The following ANO3 variants were observed in gnomAD, a reference collection of about 807,000 sequenced individuals.
ANO3 encodes the protein anoctamin-3.
A neutral mutation model predicts 144.8 loss-of-function variants in ANO3; 99 were observed. The ratio of observed to expected loss-of-function variants is 0.68; its 90% CI spans 0.58 to 0.81. The LOEUF is 0.81. Ranked by LOEUF, ANO3 falls within the 30% of genes least tolerant of loss-of-function variation. The pLI, the probability that ANO3 is intolerant of heterozygous loss-of-function variation, is 0.00. For missense variants in ANO3, 905 were observed against 1,202.2 expected, an observed-to-expected ratio of 0.75 and a Z score of 3.66; for synonymous variants, 414 against 392.6, an observed-to-expected ratio of 1.05 and a Z score of -0.64.
chr11:26,331,475 G>A (rs913246692), upstream of ANO3: 1 of 152,122 alleles, frequency 6.6e-6, no homozygotes, highest in Non-Finnish European at 1.5e-5. Context: ...TTGTTGCTCT[G>A]ATCTTAAGTT....
intron 18 of ANO3, among the ~76,000 whole-genome samples, chr11:26,628,211 C>T (rs936180762): frequency 1.3e-5 from 2 of 152,028 alleles, no homozygotes; most frequent in Non-Finnish European, 2.9e-5. Flanking sequence ...TTAGAAGGAA[C>T]AAATTAAGCC....
chr11:26,343,259 T>C (rs986881286), intron 1 of ANO3, among the ~76,000 whole-genome samples: 5 of 152,232 alleles, frequency 3.3e-5, no homozygotes, highest in African/African-American at 1.2e-4. Context: ...ATCTCATGTA[T>C]ATATTTATAC....
chr11:26,660,225 T>C lies in ANO3; in HGVS notation c.2764-37T>C. On this transcript the variant is annotated intron_variant, in intron 26 of 26. Transcript: ENST00000256737. ...CTGTTTTATAATTAGCATTTCAGAA[T>C]CTTTGAAAACTGTCCTTTTCACATT... The C allele has an allele frequency of 3.8e-6, 6 of 1,586,218 alleles. No individual in the cohort carries two copies. The East Asian group carries it at 1.3e-4, about 35-fold the overall frequency.
chr11:26,272,990 T>A (rs1853475887), intron 1 of ANO3, among the ~76,000 whole-genome samples: 1 of 152,126 alleles, frequency 6.6e-6, no homozygotes, highest in Non-Finnish European at 1.5e-5. Flanking sequence ...CTTGGAAGCA[T>A]GTTCATATTT....
chr11:26,587,891 G>GC (rs1416684453), intron 14 of ANO3, among the ~76,000 whole-genome samples: 1 of 148,742 alleles, frequency 6.7e-6, no homozygotes, highest in Admixed American at 6.8e-5. Context: ...AAGAGGCAGA[G>GC]GTTGCAGTGA....
chr11:26,315,191 C>G (rs1474176897), intron 1 of ANO3, among the ~76,000 whole-genome samples: 1 of 152,134 alleles, frequency 6.6e-6, no homozygotes, highest in East Asian at 1.9e-4. Context: ...CCAAAAATAT[C>G]TGTGTATTAC....
intron 4 of ANO3, among the ~76,000 whole-genome samples, chr11:26,494,698 C>G (rs902641234): frequency 6.6e-6 from 1 of 152,114 alleles, no homozygotes; most frequent in Non-Finnish European, 1.5e-5. Flanking sequence ...CCAAGGGGAG[C>G]TTTGTTTGCA....
intron 6 of ANO3, among the ~76,000 whole-genome samples, chr11:26,522,225 C>A (rs1311120090): frequency 1.3e-5 from 2 of 149,658 alleles, no homozygotes; most frequent in African/African-American, 2.5e-5. Flanking sequence ...AAAAAAAAAA[C>A]ATTAAGAGCA....
intron 26 of ANO3, among the ~76,000 whole-genome samples, chr11:26,659,155 G>T (rs10835052): frequency 0.51 from 77,605 of 151,414 alleles, 20,891 homozygotes; most frequent in South Asian, 0.71. Context: ...ATGTGTATTT[G>T]TGTGTGTATG....
At position 26,441,892 on chromosome 11, in the gene ANO3, T is replaced by TA. The variant is rs769883234; in HGVS notation, c.47-22dup. On this transcript the variant is annotated intron_variant, in intron 1 of 26. Transcript: ENST00000256737. The stretch of plus-strand genomic sequence containing the variant: ...CCTCTACTGATTGATTTTTTATTGC[T>TA]AAAACTCAACATTTTGGATTTGCAG... The TA allele has an allele frequency of 5.7e-6, 9 of 1,582,000 alleles. No homozygotes were observed. In the Admixed American group the frequency reaches 7.0e-5, roughly 12 times the overall value.
At chr11:26,460,313 T>C (rs936162066) in intron 3 of ANO3, among the ~76,000 whole-genome samples, 12 of 151,710 alleles carry the variant, frequency 7.9e-5, no homozygotes, top group Admixed American at 5.9e-4. Flanking sequence ...TGCACGTTTG[T>C]TACATGGGTA....
chr11:26,560,990 C>A, intron 14 of ANO3: 2 of 1,449,158 alleles, frequency 1.4e-6, no homozygotes, highest in Non-Finnish European at 1.9e-6. Flanking sequence ...TTTGTGTAAC[C>A]TTTTGAAAGA....
intron 3 of ANO3, among the ~76,000 whole-genome samples, chr11:26,451,516 G>C (rs573354199): frequency 6.6e-6 from 1 of 152,150 alleles, no homozygotes; most frequent in Non-Finnish European, 1.5e-5. Context: ...ACTGCAAGGC[G>C]GCAGCAAGGC....
At chr11:26,449,397 G>C (rs1006986254) in intron 3 of ANO3, among the ~76,000 whole-genome samples, 4 of 151,996 alleles carry the variant, frequency 2.6e-5, no homozygotes, top group African/African-American at 9.7e-5. Context: ...CCCATAGTAG[G>C]TGCTTAAAGA....
At chr11:26,476,843 G>A (rs1212287512) in intron 4 of ANO3, among the ~76,000 whole-genome samples, 1 of 151,846 alleles carries the variant, frequency 6.6e-6, no homozygotes, top group Non-Finnish European at 1.5e-5. Flanking sequence ...TAATGACAGG[G>A]AGATGAGTCA....
intron 4 of ANO3, among the ~76,000 whole-genome samples, chr11:26,503,368 A>C (rs1424521020): frequency 6.6e-6 from 1 of 152,154 alleles, no homozygotes; most frequent in Non-Finnish European, 1.5e-5. Context: ...TCTAGATGTA[A>C]TGACACAGGT....
At chr11:26,638,563 A>G (rs6484233) in intron 20 of ANO3, among the ~76,000 whole-genome samples, 111,596 of 152,112 alleles carry the variant, frequency 0.73, 41,990 homozygotes, top group Non-Finnish European at 0.83. Flanking sequence ...TCCTGGAGCA[A>G]AGAGAGGAAA....
intron 19 of ANO3, 25 bp from the exon 20 acceptor site, chr11:26,634,988 A>C: frequency 6.3e-7 from 1 of 1,599,606 alleles, no homozygotes; most frequent in Non-Finnish European, 8.6e-7. Flanking sequence ...CTTAAATGCT[A>C]ATGAACTAAA....
rs528798701 is a variant in ANO3 at position 26,206,435 on chromosome 11, T to G, written c.154+17105T>G. On this transcript the variant is annotated intron_variant, in intron 1 of 27. Transcript: ENST00000672621. ...TTATCTCTGTTTTCATAACTACTAT[T>G]AAAATAGCACTTATATTATTTCCTT... Among the ~76,000 whole-genome samples the G allele has an allele frequency of 5.9e-5, 9 of 152,290 alleles. No individual in the cohort carries two copies. In the South Asian group the frequency reaches 1.9e-3, roughly 32 times the overall value.
Sources: allele counts gnomAD v4.1 joint callset (sites outside exome capture counted in the v4.1 genomes callset), GRCh38; gene constraint gnomAD v4.1.1; transcripts MANE v1.5; gene names NCBI Gene and HGNC (gene_info 2026-07-23, HGNC 2026-07-21).